ACSL1: variants seen among roughly 807,000 people sequenced by gnomAD.
ACSL1 encodes the protein acyl-CoA synthetase long chain family member 1.
Under a neutral mutation model 98.4 loss-of-function variants are expected in ACSL1, and 41 were observed. The observed-to-expected ratio is 0.42, with a 90% CI of 0.32 to 0.54. The LOEUF (loss-of-function observed/expected upper bound fraction) is 0.54. Among genes scored for constraint, ACSL1 ranks in the 20% least tolerant of loss-of-function variants. The pLI is 0.13. For missense variants in ACSL1, 734 were observed against 883.1 expected (o/e 0.83, Z 2.14); for synonymous variants, 316 against 322.7 (o/e 0.98, Z 0.22).
intron 2 of ACSL1, among the ~76,000 whole-genome samples, chr4:184,801,948 C>G (rs1024826794): frequency 2.0e-5 from 3 of 152,230 alleles, no homozygotes; most frequent in Admixed American, 2.0e-4. Flanking sequence ...TGTCTTAACA[C>G]TGCACTTGCC....
At position 184,756,981 on chromosome 4, in the gene ACSL1, T is replaced by C. The variant is rs981941520; in HGVS notation, c.*144A>G. ...AGTGTTCTCTTTCCTCTAGCATTCCTATGAGAAGAACCCCGAATGGACAAG... is the reference window on the plus strand; with the variant it reads ...AGTGTTCTCTTTCCTCTAGCATTCCCATGAGAAGAACCCCGAATGGACAAG... On this transcript the variant is annotated 3_prime_UTR_variant, in exon 21 of 21. Coordinates refer to ENST00000281455, the MANE Select transcript of ACSL1 (RefSeq NM_001995.5). 10 of 1,046,822 alleles carry C rather than the reference T, an allele frequency of 9.6e-6. No individual in the cohort carries two copies. Among genetic ancestry groups the C allele is most frequent in the Middle Eastern group, 2.9e-4 (1 of 3,396 alleles). The allele number at this position is 1,046,822 out of a possible 1,614,324, so 64.8% of individuals were successfully genotyped here. A position where few individuals can be genotyped will look rare whatever the true frequency, so the allele number is the denominator to read the frequency against.
chr4:184,793,080 A>G (rs1768682095), intron 2 of ACSL1, among the ~76,000 whole-genome samples: 1 of 152,052 alleles, frequency 6.6e-6, no homozygotes, highest in Non-Finnish European at 1.5e-5. Context: ...AAAGCAGACA[A>G]CCCCAGCTGA....
chr4:184,770,958 TAC>T (rs2150312043), intron 10 of ACSL1, among the ~76,000 whole-genome samples: 1 of 152,232 alleles, frequency 6.6e-6, no homozygotes, highest in African/African-American at 2.4e-5. Context: ...ACCCCATCCC[TAC>T]TAAAAATACA....
chr4:184,825,400 G>T lies in ACSL1; in HGVS notation c.-33+516C>A. 3.8e-6 allele frequency: 1 copy of T among 264,948 alleles called. No individual in the cohort carries two copies. Among genetic ancestry groups the T allele is most frequent in the Non-Finnish European group, 5.8e-6 (1 of 171,376 alleles). 16.4% of individuals were successfully genotyped at this position (264,948 alleles called of 1,614,324 possible). A position where few individuals can be genotyped will look rare whatever the true frequency, so the allele number is the denominator to read the frequency against. On this transcript the variant is annotated intron_variant, in intron 1 of 20. Transcript: ENST00000281455. This position sits in a 1 kb window ranked among gnomAD's most constrained non-coding sequence, Gnocchi z 4.7. ...GCAGCGGCCTCTGAGCTGCCTGTGG[G>T]CCTCGTGCCGCCGCGCTGCGTGGGG...
rs1199583304 is a variant in ACSL1 at position 184,757,303 on chromosome 4, C to A, written c.1957-38G>T. 5 of 1,568,892 alleles carry A rather than the reference C, an allele frequency of 3.2e-6. No individual in the cohort carries two copies. The highest frequency in any genetic ancestry group is 8.7e-7 in the Non-Finnish European group (1 of 1,150,142). On this transcript the variant is annotated intron_variant, in intron 20 of 20. Coordinates refer to ENST00000281455, the MANE Select transcript of ACSL1 (RefSeq NM_001995.5). This position sits in a 1 kb window ranked among gnomAD's most constrained non-coding sequence, Gnocchi z 4.5. ...AAGGCAGTTAAAAGAGGAAAAAGGACACGGGCCACCAGTCTCAAAAGCACG... is the reference window on the plus strand; with the variant it reads ...AAGGCAGTTAAAAGAGGAAAAAGGAAACGGGCCACCAGTCTCAAAAGCACG...
rs181034605 is a variant in ACSL1 at position 184,797,429 on chromosome 4, C to G, written c.195+5891G>C. On this transcript the variant is annotated intron_variant, in intron 2 of 20. Transcript: ENST00000281455. ...CCACCAGCCACACGGGGAAATCCTA[C>G]TTGGTAATATGCTCCATATACACCC... Among the ~76,000 whole-genome samples the G allele has an allele frequency of 6.8e-4, 104 of 152,340 alleles. No individual in the cohort carries two copies. In the Middle Eastern group the frequency reaches 0.027, roughly 40 times the overall value.
chr4:184,760,395 G>A lies in ACSL1; in HGVS notation c.1744C>T (p.Pro582Ser), dbSNP rs201990940. 1.2e-6 allele frequency: 2 copies of A among 1,614,102 alleles called. No homozygotes were observed. The highest frequency in any genetic ancestry group is 1.3e-5 in the African/African-American group (1 of 74,998). ...KIENIYMRSE[P>S]VAQVFVHGES... ...CCGTGGACAAACACCTGAGCAACAG[G>A]CTCACTTCGCATGTAGATATTTTCA... Residue 582 changes from proline to serine, a missense_variant, in exon 18 of 21, where the codon CCT (proline) becomes TCT (serine). Pro to Ser is a moderately conservative substitution (Grantham distance 74). Transcript: ENST00000281455.
At position 184,757,155 on chromosome 4, in the gene ACSL1, T is replaced by C. The variant is rs1315880387; in HGVS notation, c.2067A>G (p.Ile689Met). ...PELRNYFRSQIDDLYSTIKV is the reference protein window; with the variant it reads ...PELRNYFRSQMDDLYSTIKV Reference sequence around the variant, plus strand: ...CCTTGATAGTGGAATAGAGGTCATCTATCTGCGACCTGAAATAGTTCCGCA... The same window carrying C: ...CCTTGATAGTGGAATAGAGGTCATCCATCTGCGACCTGAAATAGTTCCGCA... Residue 689 changes from isoleucine (I) to methionine (M), a missense_variant, in exon 21 of 21, where the codon ATA (isoleucine) becomes ATG (methionine). By Grantham distance (10) the Ile-to-Met change is conservative (BLOSUM62 1). Coordinates refer to ENST00000281455, the MANE Select transcript of ACSL1 (RefSeq NM_001995.5). This position sits in a 1 kb window ranked among gnomAD's most constrained non-coding sequence, Gnocchi z 4.5. The C allele has an allele frequency of 1.2e-6, 2 of 1,605,656 alleles. No homozygotes were observed. Among genetic ancestry groups the C allele is most frequent in the African/African-American group, 2.7e-5 (2 of 74,800 alleles).
In ACSL1 at chr4:184,757,968, TA is replaced by T. The variant is rs1403035860; in HGVS notation, c.1783-49del. ...ATTACATAGCTTGATCCAAATGCTC[TA>T]AAATAGTGGTTCTTTATTTTTCCAT... On this transcript the variant is annotated intron_variant, in intron 18 of 20. Coordinates refer to ENST00000281455, the MANE Select transcript of ACSL1 (RefSeq NM_001995.5). The surrounding 1 kb of genome is among the most constrained non-coding windows in gnomAD (Gnocchi z 4.5). 6.4e-7 allele frequency: 1 copy of T among 1,552,012 alleles called. No individual in the cohort carries two copies. The highest frequency in any genetic ancestry group is 8.9e-7 in the Non-Finnish European group (1 of 1,126,248).
chr4:184,771,938 G>T (rs528043940), intron 10 of ACSL1, among the ~76,000 whole-genome samples: 7 of 152,236 alleles, frequency 4.6e-5, no homozygotes, highest in African/African-American at 1.4e-4. Context: ...GGATGAAATT[G>T]TTATATTAAT....
chr4:184,786,096 G>A (rs946000514), intron 3 of ACSL1, among the ~76,000 whole-genome samples: 1 of 152,266 alleles, frequency 6.6e-6, no homozygotes, highest in African/African-American at 2.4e-5. Context: ...CTGACATCCT[G>A]AGCTGCCCAG....
At chr4:184,792,584 A>G (rs1243488810) in intron 2 of ACSL1, among the ~76,000 whole-genome samples, 2 of 152,178 alleles carry the variant, frequency 1.3e-5, no homozygotes, top group Non-Finnish European at 2.9e-5. Flanking sequence ...AACCACAGAC[A>G]CGTGCCACCT....
intron 1 of ACSL1, among the ~76,000 whole-genome samples, chr4:184,814,489 AAG>A: frequency 6.6e-6 from 1 of 152,160 alleles, no homozygotes; most frequent in Middle Eastern, 3.4e-3. Context: ...ATATGAAGAA[AAG>A]AGTCAATGTT....
chr4:184,770,530 G>A lies in ACSL1; in HGVS notation c.916-54C>T, dbSNP rs1454335825. 5 of 1,340,190 alleles carry A rather than the reference G, an allele frequency of 3.7e-6. No homozygotes were observed. The African/African-American group carries it at 7.5e-5, about 20-fold the overall frequency. 83.0% of individuals were successfully genotyped at this position (1,340,190 alleles called of 1,614,324 possible). A position where few individuals can be genotyped will look rare whatever the true frequency, so the allele number is the denominator to read the frequency against. On this transcript the variant is annotated intron_variant, in intron 10 of 20. Transcript: ENST00000281455. ...AAAGCATTAAGACTCCCAGTGAAGG[G>A]GAACATCGCACACCAGGGACGGTTG...
chr4:184,795,920 C>A (rs575596336), intron 2 of ACSL1, among the ~76,000 whole-genome samples: 1 of 152,202 alleles, frequency 6.6e-6, no homozygotes, highest in Non-Finnish European at 1.5e-5. Context: ...AAAAACACCC[C>A]CTCTAAGCAT....
chr4:184,794,673 G>A (rs547228087), intron 2 of ACSL1, among the ~76,000 whole-genome samples: 26 of 152,280 alleles, frequency 1.7e-4, no homozygotes, highest in Non-Finnish European at 3.1e-4. Flanking sequence ...GCAGAGCTTC[G>A]AACCTAGCTC....
At chr4:184,764,807 C>T in intron 15 of ACSL1, 46 bp downstream of exon 15, 1 of 1,537,156 alleles carries the variant, frequency 6.5e-7, no homozygotes, top group Non-Finnish European at 8.9e-7. Flanking sequence ...ACCAATAACC[C>T]AGTATGAATA....
rs1051699086 is a variant in ACSL1, at chr4:184,782,831, G to A, written c.375+1096C>T. On this transcript the variant is annotated intron_variant, in intron 4 of 20. Transcript: ENST00000281455. ...ATCCTGTCGACCCCAGAGGACGGACGGGGAGAAATCATGCACTTCAGTCTG... is the reference window on the plus strand; with the variant it reads ...ATCCTGTCGACCCCAGAGGACGGACAGGGAGAAATCATGCACTTCAGTCTG... Among the ~76,000 whole-genome samples, 4 of 152,252 alleles carry A rather than the reference G, an allele frequency of 2.6e-5. No individual in the cohort carries two copies. The East Asian group carries it at 7.7e-4, about 29-fold the overall frequency.
rs766266984 is a variant in ACSL1, at chr4:184,773,860, T to C, written c.772A>G (p.Asn258Asp). Residue 258 changes from asparagine (N) to aspartate (D), a missense_variant, in exon 8 of 21, where the codon AAC becomes GAC. Physicochemically the swap from Asn to Asp is conservative, Grantham distance 23. Transcript: ENST00000281455. This position sits in a 1 kb window ranked among gnomAD's most constrained non-coding sequence, Gnocchi z 4.3. Reference protein sequence around the residue: ...MKAMEDLGRANRRKPKPPAPE... With the variant: ...MKAMEDLGRADRRKPKPPAPE... The stretch of plus-strand genomic sequence containing the variant: ...GTGCTTACCTTGGGCTTCCGTCTGT[T>C]GGCTCTTCCCAGGTCCTTAATTAGA... 3.1e-6 allele frequency: 5 copies of C among 1,613,970 alleles called. No homozygotes were observed. The highest frequency in any genetic ancestry group is 4.2e-6 in the Non-Finnish European group (5 of 1,179,870).
Sources: gnomAD v4.1 joint callset for allele counts (sites outside exome capture counted in the v4.1 genomes callset) on GRCh38, gnomAD v4.1.1 for gene constraint, Gnocchi (gnomAD v3.1) non-coding constraint, MANE v1.5 for transcripts, NCBI Gene and HGNC (gene_info 2026-07-23, HGNC 2026-07-21) for gene names.